The following PDZD8 variants were observed in gnomAD, a reference collection of about 807,000 sequenced individuals.
The protein encoded by PDZD8 is PDZ domain-containing protein 8.
PDZD8 carries 14 observed loss-of-function variants against 85.8 expected under a neutral mutation model. The observed-to-expected ratio is 0.16, with a 90% CI of 0.11 to 0.26. The LOEUF (loss-of-function observed/expected upper bound fraction) is 0.26, where lower values mean the gene tolerates loss of function less well. PDZD8 is among the 10% of genes least tolerant of loss of function. The probability of loss-of-function intolerance (pLI) is 1.00; values close to 1 mark genes in which losing one functional copy is unlikely to be tolerated. For missense variants in PDZD8, 1,197 were observed against 1,424.3 expected, an observed-to-expected ratio of 0.84 and a Z score of 2.57; for synonymous variants, 592 against 568.6, an observed-to-expected ratio of 1.04 and a Z score of -0.59.
intron 1 of PDZD8, among the ~76,000 whole-genome samples, chr10:117,373,419 A>C (rs1249053011): frequency 6.6e-6 from 1 of 152,046 alleles, no homozygotes; most frequent in Non-Finnish European, 1.5e-5. Context: ...CAAAATGTAA[A>C]GTACACTATG....
chr10:117,348,709 T>C (rs1272913652), intron 1 of PDZD8, among the ~76,000 whole-genome samples: 2 of 152,232 alleles, frequency 1.3e-5, no homozygotes, highest in African/African-American at 4.8e-5. Flanking sequence ...TTAATTAACC[T>C]GATTACCTTG....
intron 2 of PDZD8, among the ~76,000 whole-genome samples, chr10:117,338,502 A>G (rs1844554630): frequency 6.6e-6 from 1 of 152,104 alleles, no homozygotes. Flanking sequence ...AAAATACTGG[A>G]CCTTAATTTT....
intron 3 of PDZD8, among the ~76,000 whole-genome samples, chr10:117,301,768 C>T (rs1292128431): frequency 3.3e-5 from 5 of 152,162 alleles, no homozygotes; most frequent in Non-Finnish European, 7.3e-5. Flanking sequence ...CCATAATTGA[C>T]GATCCCAACT....
chr10:117,317,450 TAATA>T (rs1249125827), intron 3 of PDZD8, among the ~76,000 whole-genome samples: 3 of 152,184 alleles, frequency 2.0e-5, no homozygotes. Flanking sequence ...CAGATATAAT[TAATA>T]ACCTAGAATT....
Position 117,285,265 on chromosome 10 carries a change from C to T in PDZD8, c.1468G>A (p.Glu490Lys). ...EEAAGLTVDT[E>K]SRELDSEFED... Reference sequence around the variant, plus strand: ...AATTCAGAATCCAGCTCTCTACTTTCAGTATCTACTGTCAACCCGGCAGCT... The same window carrying T: ...AATTCAGAATCCAGCTCTCTACTTTTAGTATCTACTGTCAACCCGGCAGCT... Residue 490 changes from glutamate (E) to lysine (K), a missense_variant, in exon 5 of 5, where the codon GAA (glutamate) becomes AAA (lysine). Transcript: ENST00000334464. 3.1e-6 allele frequency: 5 copies of T among 1,614,214 alleles called. No individual in the cohort carries two copies. The highest frequency in any genetic ancestry group is 4.2e-6 in the Non-Finnish European group (5 of 1,180,032).
chr10:117,283,825 G>A lies in PDZD8; in HGVS notation c.2908C>T (p.His970Tyr), dbSNP rs750344294. 1 of 1,614,214 alleles carries A rather than the reference G, an allele frequency of 6.2e-7. No homozygotes were observed. The highest frequency in any genetic ancestry group is 8.5e-7 in the Non-Finnish European group (1 of 1,180,042). ...GTDLVEPSPKHTPNTSDNEGS... is the reference protein window; with the variant it reads ...GTDLVEPSPKYTPNTSDNEGS... ...TCGTTGTCTGACGTGTTGGGTGTGT[G>A]TTTTGGTGAAGGTTCTACGAGATCG... The change falls in exon 5 of 5, where the codon CAC becomes TAC. Residue 970 changes from histidine to tyrosine, a missense_variant. This residue lies in a region of PDZD8 where 418 missense variants were observed against 571.1 expected (regional missense o/e 0.73). Coordinates refer to ENST00000334464, the MANE Select transcript of PDZD8 (RefSeq NM_173791.5).
intron 1 of PDZD8, among the ~76,000 whole-genome samples, chr10:117,368,470 T>C (rs1033399711): frequency 1.3e-5 from 2 of 152,218 alleles, no homozygotes; most frequent in Non-Finnish European, 2.9e-5. Flanking sequence ...GTAGCTATTT[T>C]AAAATATTTT....
intron 3 of PDZD8, among the ~76,000 whole-genome samples, chr10:117,295,549 G>A (rs527508465): frequency 3.3e-5 from 5 of 152,144 alleles, no homozygotes; most frequent in African/African-American, 1.2e-4. Flanking sequence ...CTTCATCGGT[G>A]AATTCTGAAA....
chr10:117,313,879 G>T (rs1844080243), intron 3 of PDZD8, among the ~76,000 whole-genome samples: 1 of 152,118 alleles, frequency 6.6e-6, no homozygotes, highest in Non-Finnish European at 1.5e-5. Context: ...TCTTAGGCAA[G>T]TAAACATGGC....
At chr10:117,289,830 G>A (rs565337537) in intron 4 of PDZD8, among the ~76,000 whole-genome samples, 63 of 152,252 alleles carry the variant, frequency 4.1e-4, no homozygotes, top group African/African-American at 1.3e-3. Context: ...GAGTAGCAAT[G>A]GTGGTAGTCG....
intron 1 of PDZD8, among the ~76,000 whole-genome samples, chr10:117,366,208 G>A (rs1205090570): frequency 6.6e-6 from 1 of 152,116 alleles, no homozygotes; most frequent in Non-Finnish European, 1.5e-5. Context: ...GTTAGTTTTA[G>A]TTATGTTTAC....
intron 1 of PDZD8, among the ~76,000 whole-genome samples, chr10:117,359,098 T>A (rs781428879): frequency 2.6e-5 from 4 of 152,120 alleles, no homozygotes; most frequent in African/African-American, 4.8e-5. Context: ...CGATATCATT[T>A]GTTAAGTGCA....
At chr10:117,334,139 T>C (rs1844476140) in intron 2 of PDZD8, among the ~76,000 whole-genome samples, 1 of 152,112 alleles carries the variant, frequency 6.6e-6, no homozygotes, top group Non-Finnish European at 1.5e-5. Context: ...ATGAAAACCT[T>C]CTGAATGTAG....
At chr10:117,355,077 C>T (rs1394562930) in intron 1 of PDZD8, among the ~76,000 whole-genome samples, 1 of 152,102 alleles carries the variant, frequency 6.6e-6, no homozygotes, top group Non-Finnish European at 1.5e-5. Context: ...AATTATGAAT[C>T]TAAATTTCAA....
At chr10:117,372,190 T>C (rs1845205340) in intron 1 of PDZD8, among the ~76,000 whole-genome samples, 1 of 152,228 alleles carries the variant, frequency 6.6e-6, no homozygotes, top group Admixed American at 6.5e-5. Flanking sequence ...CTTCTGGAAA[T>C]GATCATTTAA....
chr10:117,344,001 T>C (rs1215953151), intron 1 of PDZD8, among the ~76,000 whole-genome samples: 1 of 152,232 alleles, frequency 6.6e-6, no homozygotes, highest in Non-Finnish European at 1.5e-5. Context: ...ATCATCTTTC[T>C]TCAAAATCCA....
chr10:117,373,116 A>G (rs1845221550), intron 1 of PDZD8, among the ~76,000 whole-genome samples: 1 of 152,192 alleles, frequency 6.6e-6, no homozygotes, highest in Admixed American at 6.5e-5. Context: ...TTACAAAAGA[A>G]AAAGCACCTT....
intron 2 of PDZD8, among the ~76,000 whole-genome samples, chr10:117,338,072 C>A (rs937664675): frequency 3.9e-5 from 6 of 152,106 alleles, no homozygotes; most frequent in African/African-American, 1.4e-4. Flanking sequence ...GTAATATGTC[C>A]TCTTTAGTTT....
chr10:117,375,086 T>A lies in PDZD8; in HGVS notation c.142A>T (p.Ile48Phe), dbSNP rs1462075078. 6.3e-7 allele frequency: 1 copy of A among 1,599,326 alleles called. No individual in the cohort carries two copies. The highest frequency in any genetic ancestry group is 1.1e-5 in the South Asian group (1 of 90,334). Residue 48 changes from isoleucine to phenylalanine, a missense_variant, in exon 1 of 5, where the codon ATC becomes TTC. Around this residue, in one of 4 missense-constraint regions of PDZD8, gnomAD observed 172 missense variants for 137.8 expected, o/e 1.25. Transcript: ENST00000334464. ...AGGAGCAGGCCCGGCACTGGCTTGA[T>A]GTAGCGGAAGCCCTCGCCCGCGCGG... is the stretch of plus-strand genomic sequence containing the variant. ...AARAGEGFRY[I>F]KPVPGLLLRE...
Sources: allele counts gnomAD v4.1 joint callset (sites outside exome capture counted in the v4.1 genomes callset), GRCh38; gene constraint gnomAD v4.1.1; regional missense constraint gnomAD v4.1.1; transcripts MANE v1.5; gene names NCBI Gene and HGNC (gene_info 2026-07-23, HGNC 2026-07-21).